The following DHX32 variants were observed in gnomAD, a reference collection of about 807,000 sequenced individuals.
The protein encoded by DHX32 is DEAH-box helicase 32 (putative), also known as putative pre-mRNA-splicing factor ATP-dependent RNA helicase DHX32.
DHX32 carries 51 observed loss-of-function variants against 70.0 expected under a neutral mutation model. The observed-to-expected ratio is 0.73, with a 90% CI of 0.58 to 0.92. DHX32 has a LOEUF of 0.92. Ranked by LOEUF, DHX32 falls within the 40% of genes least tolerant of loss-of-function variation. DHX32 has a pLI of 0.00. For synonymous variants in DHX32, 310 were observed against 315.3 expected, an observed-to-expected ratio of 0.98 and a Z score of 0.18; for missense variants, 762 against 891.8, an observed-to-expected ratio of 0.85 and a Z score of 1.85.
intron 1 of DHX32, among the ~76,000 whole-genome samples, chr10:125,871,862 C>CTT (rs367881568): frequency 3.8e-5 from 5 of 131,258 alleles, no homozygotes; most frequent in African/African-American, 5.7e-5. Flanking sequence ...TGCTTCTTTT[C>CTT]TTTTTTTTTT....
chr10:125,861,769 T>C (rs911989100), intron 2 of DHX32, among the ~76,000 whole-genome samples: 4 of 152,222 alleles, frequency 2.6e-5, no homozygotes, highest in African/African-American at 4.8e-5. Flanking sequence ...TCCCATCCAC[T>C]ATTTCCCTTT....
intron 6 of DHX32, among the ~76,000 whole-genome samples, chr10:125,847,977 A>G (rs1944044713): frequency 6.6e-6 from 1 of 152,234 alleles, no homozygotes; most frequent in Non-Finnish European, 1.5e-5. Flanking sequence ...CTAACAGGCC[A>G]CGAACTGGTA....
intron 1 of DHX32, among the ~76,000 whole-genome samples, chr10:125,893,697 AAG>A (rs1944385170): frequency 6.6e-6 from 1 of 152,214 alleles, no homozygotes; most frequent in African/African-American, 2.4e-5. Flanking sequence ...AGAACTCCCT[AAG>A]AGTTTCAGAA....
chr10:125,867,039 CA>C lies in DHX32; in HGVS notation c.426del (p.Gly143AlafsTer3). On this transcript the variant is annotated frameshift_variant, in exon 2 of 11. Transcript: ENST00000284690. LOFTEE classifies it high-confidence loss of function. ...DEMDVNIGHE[V>X]GYVIPFENCC... ...CAGTTCTCGAAAGGGATCACGTAGC[CA>C]ACCTCATGACCAATGTTAACATCCA... is the stretch of plus-strand genomic sequence containing the variant. 2 of 1,614,204 alleles carry C rather than the reference CA, an allele frequency of 1.2e-6. No individual in the cohort carries two copies. The highest frequency in any genetic ancestry group is 1.7e-6 in the Non-Finnish European group (2 of 1,180,036).
chr10:125,887,559 C>G (rs889233553), intron 1 of DHX32, among the ~76,000 whole-genome samples: 6 of 151,982 alleles, frequency 3.9e-5, no homozygotes, highest in Admixed American at 1.3e-4. Flanking sequence ...ATTTTTTACT[C>G]TTTTTTTCCT....
upstream of DHX32, among the ~76,000 whole-genome samples, chr10:125,885,575 A>G (rs1944336883): frequency 6.6e-6 from 1 of 152,172 alleles, no homozygotes; most frequent in African/African-American, 2.4e-5. Context: ...AGAAGAGGCA[A>G]GGAAACAGAT....
Position 125,838,315 on chromosome 10 carries a change from G to C in DHX32, c.1954C>G (p.Leu652Val). Reference sequence around the variant, plus strand: ...TTCTTGGTGATTGAGTAACCAGACAGGGGATGCAGCTGAGCAACCTGCTTA... The same window carrying C: ...TTCTTGGTGATTGAGTAACCAGACACGGGATGCAGCTGAGCAACCTGCTTA... ...THKQVAQLHP[L>V]SGYSITKKMP... is the part of the protein sequence containing the mutation. Residue 652 changes from leucine to valine, a missense_variant, in exon 10 of 11, where the codon CTG (leucine) becomes GTG (valine). This residue lies in a region of DHX32 where 366 missense variants were observed against 402.6 expected (regional missense o/e 0.91). Transcript: ENST00000284690. 6.2e-7 allele frequency: 1 copy of C among 1,613,840 alleles called. No individual in the cohort carries two copies. Among genetic ancestry groups the C allele is most frequent in the Non-Finnish European group, 8.5e-7 (1 of 1,179,912 alleles).
At chr10:125,841,536 G>T in intron 7 of DHX32, 1 of 1,425,724 alleles carries the variant, frequency 7.0e-7, no homozygotes, top group East Asian at 2.6e-5. Flanking sequence ...TGAACTTTGA[G>T]TTAGTTTTCT....
In DHX32 at chr10:125,852,415, G is replaced by A; in HGVS notation, c.1229C>T (p.Ser410Phe). ...FFCLYTEEFA[S>F]KDMTPLKPAE... ...TGGCTTCAGTGGCGTCATGTCTTTG[G>A]AGGCAAATTCTTCAGTGTACAGGCA... Residue 410 changes from serine (S) to phenylalanine (F), a missense_variant, in exon 6 of 11, where the codon TCC becomes TTC. Physicochemically the swap from Ser to Phe is radical, Grantham distance 155 (BLOSUM62 -2). This residue lies in a region of DHX32 where 366 missense variants were observed against 402.6 expected (regional missense o/e 0.91). Transcript: ENST00000284690. 6.2e-7 allele frequency: 1 copy of A among 1,614,178 alleles called. No individual in the cohort carries two copies. The highest frequency in any genetic ancestry group is 1.1e-5 in the South Asian group (1 of 91,084).
intron 1 of DHX32, among the ~76,000 whole-genome samples, chr10:125,887,217 G>A (rs76292177): frequency 6.6e-6 from 1 of 152,234 alleles, no homozygotes; most frequent in East Asian, 1.9e-4. Flanking sequence ...CCATTTACCT[G>A]TTCAACCAAT....
upstream of DHX32, among the ~76,000 whole-genome samples, chr10:125,884,188 G>A (rs762405472): frequency 3.9e-5 from 6 of 152,168 alleles, no homozygotes; most frequent in Non-Finnish European, 8.8e-5. Context: ...TAGAGGAGTT[G>A]GGCCCATTGA....
intron 1 of DHX32, among the ~76,000 whole-genome samples, chr10:125,889,945 G>A (rs570547633): frequency 4.4e-4 from 67 of 152,402 alleles, no homozygotes; most frequent in Non-Finnish European, 7.9e-4. Context: ...GATCATCTGT[G>A]GTAGAGCAGG....
chr10:125,841,348 G>C, intron 7 of DHX32: 1 of 1,614,018 alleles, frequency 6.2e-7, no homozygotes, highest in Non-Finnish European at 8.5e-7. Flanking sequence ...TGTTCCCCCA[G>C]TATTAGAATA....
chr10:125,877,664 T>G (rs911129356), intron 1 of DHX32, among the ~76,000 whole-genome samples: 66 of 152,244 alleles, frequency 4.3e-4, no homozygotes, highest in African/African-American at 1.5e-3. Flanking sequence ...CCAGCCTGGG[T>G]GACAGAACGA....
intron 1 of DHX32, among the ~76,000 whole-genome samples, chr10:125,889,961 A>C (rs4962494): frequency 6.6e-6 from 1 of 152,310 alleles, no homozygotes; most frequent in East Asian, 1.9e-4. Flanking sequence ...GCAGGTGCTT[A>C]AAGTCAGGCA....
chr10:125,846,169 G>A (rs1308019289), intron 6 of DHX32, among the ~76,000 whole-genome samples: 1 of 152,108 alleles, frequency 6.6e-6, no homozygotes, highest in Non-Finnish European at 1.5e-5. Context: ...ATTACCAACG[G>A]TCTCCACTCC....
At chr10:125,844,868 C>T (rs932694029) in intron 6 of DHX32, among the ~76,000 whole-genome samples, 10 of 152,208 alleles carry the variant, frequency 6.6e-5, no homozygotes, top group African/African-American at 2.4e-4. Context: ...CAGCTGTACT[C>T]CCTGTGGAAT....
intron 6 of DHX32, among the ~76,000 whole-genome samples, chr10:125,846,845 C>G (rs897092851): frequency 1.3e-5 from 2 of 152,136 alleles, no homozygotes; most frequent in Non-Finnish European, 2.9e-5. Flanking sequence ...TTTCCAGGAG[C>G]TGACATAGTA....
chr10:125,882,491 T>G (rs187946210), upstream of DHX32, among the ~76,000 whole-genome samples: 143 of 152,138 alleles, frequency 9.4e-4, 3 homozygotes, highest in Admixed American at 3.3e-3. Context: ...ATTAGATGAG[T>G]AAACTAGGCA....
Sources: allele counts gnomAD v4.1 joint callset (sites outside exome capture counted in the v4.1 genomes callset), GRCh38; gene constraint gnomAD v4.1.1; regional missense constraint gnomAD v4.1.1; transcripts MANE v1.5; gene names NCBI Gene and HGNC (gene_info 2026-07-23, HGNC 2026-07-21).